Variants in FYB1 observed in about 807,000 individuals in gnomAD.
FYB1 encodes FYN-binding protein 1.
In FYB1, 41 loss-of-function variants were observed where a neutral mutation model predicts 94.1. The observed-to-expected ratio is 0.44, with a 90% confidence interval of 0.34 to 0.57. The LOEUF (loss-of-function observed/expected upper bound fraction) is 0.57. FYB1 is among the 20% of genes least tolerant of loss of function. The pLI is 0.02. For missense variants in FYB1, 1,050 were observed against 976.8 expected, an observed-to-expected ratio of 1.07 and a Z score of -1.00; for synonymous variants, 367 against 353.2, an observed-to-expected ratio of 1.04 and a Z score of -0.44.
intron 1 of FYB1, among the ~76,000 whole-genome samples, chr5:39,214,804 T>C (rs1424608033): frequency 6.6e-6 from 1 of 152,166 alleles, no homozygotes; most frequent in African/African-American, 2.4e-5. Context: ...GGTGCAAGCC[T>C]GTAATCCCAG....
chr5:39,134,747 G>T (rs1741510503), intron 8 of FYB1, 108 bp downstream of exon 8: 2 of 1,168,724 alleles, frequency 1.7e-6, no homozygotes, highest in Admixed American at 2.2e-5. Context: ...TGTCCACTCT[G>T]TAAAGTACTC....
rs556966679 is a variant in FYB1, at chr5:39,265,552, G to A, written c.-28+8851C>T. Among the ~76,000 whole-genome samples, 101 of 151,996 alleles carry A rather than the reference G, an allele frequency of 6.6e-4. 1 individual carries two copies. Among genetic ancestry groups the A allele is most frequent in the African/African-American group, 2.3e-3 (97 of 41,420 alleles). ...GGCACCTGTAATCCCAGCTACTTAG[G>A]AGGCTGAGGCAGGAGTATGGCTTGA... On this transcript the variant is annotated intron_variant, in intron 1 of 1. Coordinates refer to the FYB1 transcript ENST00000510188.
intron 1 of FYB1, among the ~76,000 whole-genome samples, chr5:39,230,425 C>T (rs1286984106): frequency 2.6e-5 from 4 of 152,214 alleles, no homozygotes; most frequent in African/African-American, 9.6e-5. Context: ...CAACTCTGCC[C>T]ACACCTCAGA....
At chr5:39,232,550 T>TA (rs1438729613) in intron 1 of FYB1, among the ~76,000 whole-genome samples, 5 of 141,624 alleles carry the variant, frequency 3.5e-5, no homozygotes, top group African/African-American at 1.5e-4. Context: ...TTTATTTATT[T>TA]TTTATTTATT....
intron 1 of FYB1, among the ~76,000 whole-genome samples, chr5:39,244,805 C>G (rs1342052889): frequency 1.3e-5 from 2 of 152,118 alleles, no homozygotes; most frequent in Non-Finnish European, 2.9e-5. Flanking sequence ...TTAATTATTG[C>G]CTCAATTTCA....
intron 1 of FYB1, among the ~76,000 whole-genome samples, chr5:39,262,774 T>C (rs1752276700): frequency 6.6e-6 from 1 of 151,650 alleles, no homozygotes; most frequent in South Asian, 2.1e-4. Flanking sequence ...AAAAACCCAA[T>C]GTAGAGTGAA....
chr5:39,228,784 G>A (rs1750593745), intron 1 of FYB1, among the ~76,000 whole-genome samples: 1 of 152,068 alleles, frequency 6.6e-6, no homozygotes, highest in Admixed American at 6.6e-5. Context: ...TTCTTACTCT[G>A]AGAGCTAATA....
chr5:39,159,624 A>G (rs1263048097), intron 2 of FYB1, among the ~76,000 whole-genome samples: 1 of 152,148 alleles, frequency 6.6e-6, no homozygotes, highest in African/African-American at 2.4e-5. Flanking sequence ...AGAATGCCCC[A>G]TCTGACTATC....
intron 1 of FYB1, among the ~76,000 whole-genome samples, chr5:39,272,997 C>T (rs914627891): frequency 1.3e-5 from 2 of 152,228 alleles, no homozygotes; most frequent in East Asian, 1.9e-4. Context: ...CCCCACCCGG[C>T]CGGCTGCCCT....
At chr5:39,109,186 TA>T (rs1182989241) in intron 17 of FYB1, among the ~76,000 whole-genome samples, 1 of 152,068 alleles carries the variant, frequency 6.6e-6, no homozygotes. Flanking sequence ...TGCTGCCAAC[TA>T]TGGCAGATGC....
intron 2 of FYB1, among the ~76,000 whole-genome samples, chr5:39,196,580 A>C (rs763135100): frequency 2.6e-5 from 4 of 152,234 alleles, no homozygotes; most frequent in Non-Finnish European, 5.9e-5. Flanking sequence ...AGAGAATGGC[A>C]AGCAGACTGG....
chr5:39,223,910 C>G (rs1202839052), upstream of FYB1, among the ~76,000 whole-genome samples: 1 of 152,184 alleles, frequency 6.6e-6, no homozygotes, highest in Non-Finnish European at 1.5e-5. Flanking sequence ...CTGTCCCTAT[C>G]TCATCCCACA....
intron 2 of FYB1, among the ~76,000 whole-genome samples, chr5:39,194,768 G>C (rs938446647): frequency 6.6e-6 from 1 of 152,148 alleles, no homozygotes; most frequent in Non-Finnish European, 1.5e-5. Context: ...GTCTTTCTGA[G>C]GCATTTCGAT....
chr5:39,137,498 A>T, intron 7 of FYB1, 102 bp downstream of exon 7: 1 of 1,309,144 alleles, frequency 7.6e-7, no homozygotes, highest in Non-Finnish European at 1.0e-6. Context: ...AATAATGAAT[A>T]AGTAATTCTT....
chr5:39,195,727 G>T (rs1021190035), intron 2 of FYB1, among the ~76,000 whole-genome samples: 1 of 152,142 alleles, frequency 6.6e-6, no homozygotes, highest in African/African-American at 2.4e-5. Flanking sequence ...TTCCCAGCAG[G>T]TTTTTACTAA....
chr5:39,158,755 G>C (rs753154815), intron 2 of FYB1, among the ~76,000 whole-genome samples: 7 of 152,118 alleles, frequency 4.6e-5, no homozygotes, highest in Non-Finnish European at 7.4e-5. Context: ...AACATGTGGA[G>C]ATCTGGTTCT....
intron 5 of FYB1, 68 bp from the exon 6 acceptor site, chr5:39,138,759 C>G (rs1329292136): frequency 1.1e-6 from 1 of 902,570 alleles, no homozygotes; most frequent in East Asian, 2.6e-5. Context: ...TATTACATTG[C>G]TTAGACTTAA....
chr5:39,260,793 ATTG>A (rs1423882669), intron 1 of FYB1, among the ~76,000 whole-genome samples: 1 of 152,078 alleles, frequency 6.6e-6, no homozygotes, highest in Non-Finnish European at 1.5e-5. Flanking sequence ...ATTCTTCCAA[ATTG>A]TTGATGTTCT....
intron 1 of FYB1, among the ~76,000 whole-genome samples, chr5:39,238,141 A>G (rs1751050617): frequency 6.6e-6 from 1 of 152,092 alleles, no homozygotes. Context: ...AAAATGGTTA[A>G]GATGGTAAAT....
Sources: gnomAD v4.1 joint callset for allele counts (sites outside exome capture counted in the v4.1 genomes callset) on GRCh38, gnomAD v4.1.1 for gene constraint, MANE v1.5 for transcripts, NCBI Gene and HGNC (gene_info 2026-07-23, HGNC 2026-07-21) for gene names.